Variants in BOK observed in about 807,000 individuals in gnomAD.
The protein encoded by BOK is BCL2 family apoptosis regulator BOK.
BOK carries 20 observed loss-of-function variants against 18.3 expected under a neutral mutation model. The observed-to-expected ratio is 1.09, with a 90% CI of 0.77 to 1.59. The LOEUF is 1.59. Among genes scored for constraint, BOK ranks in the 40% most tolerant of loss-of-function variants. The probability of loss-of-function intolerance (pLI) is 0.00; values close to 1 mark genes in which losing one functional copy is unlikely to be tolerated. For synonymous variants in BOK, 173 were observed against 142.4 expected (o/e 1.21, Z -1.53); for missense variants, 348 against 307.9 (o/e 1.13, Z -0.97).
chr2:241,568,038 C>T (rs2066643150), intron 3 of BOK, among the ~76,000 whole-genome samples: 1 of 147,316 alleles, frequency 6.8e-6, no homozygotes, highest in Non-Finnish European at 1.5e-5. Context: ...CTGTATGTGG[C>T]TTTTTATGCC....
chr2:241,552,539 G>A (rs2066422051), intron 1 of BOK, among the ~76,000 whole-genome samples: 1 of 152,182 alleles, frequency 6.6e-6, no homozygotes, highest in Non-Finnish European at 1.5e-5. Context: ...CGGAGTGGTA[G>A]GGCCAGGCAG....
chr2:241,559,705 T>C lies in BOK; in HGVS notation c.220+2T>C. The C allele has an allele frequency of 7.6e-7, 1 of 1,315,638 alleles. No homozygotes were observed. The highest frequency in any genetic ancestry group is 9.6e-7 in the Non-Finnish European group (1 of 1,037,602). The allele number at this position is 1,315,638 out of a possible 1,614,324, so 81.5% of individuals were successfully genotyped here. The stretch of plus-strand genomic sequence containing the variant: ...TGTGCGCGGTGCTGCTGCGCCTGGG[T>C]GAGTGCGCCCTGGTGGGATCCCCAG... On this transcript the variant is annotated splice_donor_variant, in intron 2 of 4. Coordinates refer to ENST00000318407, the MANE Select transcript of BOK (RefSeq NM_032515.5). LOFTEE classifies it high-confidence loss of function.
chr2:241,572,298 C>T lies in BOK; in HGVS notation c.515C>T (p.Thr172Ile), dbSNP rs562218955. 1.2e-6 allele frequency: 2 copies of T among 1,611,252 alleles called. No individual in the cohort carries two copies. Among genetic ancestry groups the T allele is most frequent in the South Asian group, 2.2e-5 (2 of 91,010 alleles). The stretch of plus-strand genomic sequence containing the variant: ...AACGGTCTCCCTCTTCCCTCCCAGA[C>T]TGATGTCCTCAAGTGTGTGGTCAGC... Reference protein sequence around the residue: ...ATWLRRRGGWTDVLKCVVSTD... With the variant: ...ATWLRRRGGWIDVLKCVVSTD... The change falls in exon 5 of 5, where the codon ACT becomes ATT. Residue 172 changes from threonine (T) to isoleucine (I), a missense_variant and splice_region_variant. Thr to Ile is a moderately conservative substitution (Grantham distance 89). Coordinates refer to ENST00000318407, the MANE Select transcript of BOK (RefSeq NM_032515.5).
At chr2:241,553,564 A>T (rs970303861) in intron 1 of BOK, among the ~76,000 whole-genome samples, 3 of 152,228 alleles carry the variant, frequency 2.0e-5, no homozygotes, top group Non-Finnish European at 2.9e-5. Context: ...CGGAGGGCGA[A>T]GAGGAAAGAG....
At chr2:241,560,073 T>G in intron 2 of BOK, 15 of 985,350 alleles carry the variant, frequency 1.5e-5, no homozygotes, top group Non-Finnish European at 1.8e-5. Flanking sequence ...GAAAACAGAT[T>G]CTTGCTGTTA....
intron 3 of BOK, among the ~76,000 whole-genome samples, chr2:241,563,395 G>C (rs1391627164): frequency 1.3e-5 from 2 of 152,216 alleles, no homozygotes; most frequent in Non-Finnish European, 2.9e-5. Flanking sequence ...AGCTGCCCCT[G>C]GGTGTGGCAG....
chr2:241,553,615 A>T (rs370347338), intron 1 of BOK, among the ~76,000 whole-genome samples: 2 of 152,204 alleles, frequency 1.3e-5, no homozygotes, highest in Admixed American at 1.3e-4. Context: ...AGTGAAGCGG[A>T]AGGTGCCACA....
At chr2:241,570,054 C>G (rs1391311774) in intron 3 of BOK, 71 bp from the exon 4 acceptor site, 81 of 1,531,734 alleles carry the variant, frequency 5.3e-5, no homozygotes, top group Non-Finnish European at 7.0e-5. Flanking sequence ...CTCAGAGAGG[C>G]CCAGCCCCTT....
chr2:241,556,888 A>C (rs755686026), upstream of BOK, among the ~76,000 whole-genome samples: 2 of 152,192 alleles, frequency 1.3e-5, no homozygotes, highest in South Asian at 4.1e-4. Context: ...TTGTGGGAAG[A>C]TTTTAAATTA....
chr2:241,552,772 A>C (rs1472252954), intron 1 of BOK, among the ~76,000 whole-genome samples: 2 of 152,202 alleles, frequency 1.3e-5, no homozygotes, highest in Admixed American at 1.3e-4. Context: ...CGGTTCGGTC[A>C]CCTTCCAGCC....
At chr2:241,569,187 C>G (rs542224945) in intron 3 of BOK, among the ~76,000 whole-genome samples, 1 of 152,186 alleles carries the variant, frequency 6.6e-6, no homozygotes, top group Middle Eastern at 3.2e-3. Context: ...CTGGAGTGTA[C>G]TGGCGCGATC....
At chr2:241,551,762 G>C (rs1233185279) in intron 1 of BOK, among the ~76,000 whole-genome samples, 1 of 152,196 alleles carries the variant, frequency 6.6e-6, no homozygotes, top group Non-Finnish European at 1.5e-5. Flanking sequence ...GCTTGCGCTG[G>C]CCAAGTGAAA....
At chr2:241,566,412 C>T (rs2066615302) in intron 3 of BOK, among the ~76,000 whole-genome samples, 1 of 151,108 alleles carries the variant, frequency 6.6e-6, no homozygotes, top group South Asian at 2.1e-4. Context: ...AGTTCTCCTG[C>T]CTCAGCCTCT....
intron 2 of BOK, among the ~76,000 whole-genome samples, chr2:241,560,704 G>C (rs975515746): frequency 6.6e-6 from 1 of 152,178 alleles, no homozygotes; most frequent in African/African-American, 2.4e-5. Flanking sequence ...CTCTGGGTGG[G>C]AGCTAGGGGG....
intron 3 of BOK, among the ~76,000 whole-genome samples, chr2:241,564,876 C>T (rs985679784): frequency 5.3e-5 from 8 of 152,182 alleles, no homozygotes; most frequent in African/African-American, 1.4e-4. Flanking sequence ...CAGCAGCCTG[C>T]CCAGAGGTGG....
rs2066740385 is a variant in BOK at position 241,572,500 on chromosome 2, C to T, written c.*78C>T. 1 of 1,521,690 alleles carries T rather than the reference C, an allele frequency of 6.6e-7. No individual in the cohort carries two copies. The highest frequency in any genetic ancestry group is 8.8e-7 in the Non-Finnish European group (1 of 1,136,500). The allele number at this position is 1,521,690 out of a possible 1,614,324, so 94.3% of individuals were successfully genotyped here. A position where few individuals can be genotyped will look rare whatever the true frequency, so the allele number is the denominator to read the frequency against. On this transcript the variant is annotated 3_prime_UTR_variant, in exon 5 of 5. Coordinates refer to ENST00000318407, the MANE Select transcript of BOK (RefSeq NM_032515.5). ...GCCCTCAGCACCCGAACACATCTTC[C>T]TCCTCCCCACCCGAGCCTGGAGCAC...
chr2:241,560,558 G>C (rs1388610406), intron 2 of BOK, among the ~76,000 whole-genome samples: 1 of 152,248 alleles, frequency 6.6e-6, no homozygotes, highest in African/African-American at 2.4e-5. Context: ...GGTGGGCTGG[G>C]CCCAGAGAGC....
rs371708460 is a variant in BOK at position 241,573,348 on chromosome 2, CG to C, written c.*929del. 6.6e-6 allele frequency: 1 copy of C among 151,078 alleles called. No individual in the cohort carries two copies. The highest frequency in any genetic ancestry group is 1.9e-4 in the East Asian group (1 of 5,132). The allele number at this position is 151,078 out of a possible 1,614,324, so 9.4% of individuals were successfully genotyped here. ...CACCTGAGCCCCAGGTGAAGGGGCC[CG>C]GGAACACCTCTCACCTGAACCCGGG... is the stretch of plus-strand genomic sequence containing the variant. On this transcript the variant is annotated 3_prime_UTR_variant, in exon 5 of 5. Coordinates refer to ENST00000318407, the MANE Select transcript of BOK (RefSeq NM_032515.5).
chr2:241,559,972 A>G lies in BOK; in HGVS notation c.220+269A>G, dbSNP rs117259095. On this transcript the variant is annotated intron_variant, in intron 2 of 4. Coordinates refer to ENST00000318407, the MANE Select transcript of BOK (RefSeq NM_032515.5). ...TAGAAAGCTCCAGAAAGAATAATCT[A>G]TTAGTGGGTGGCTAAGCTTCCACAG... 1,522 of 726,330 alleles carry G rather than the reference A, an allele frequency of 2.1e-3. 76 individuals are homozygous for G. The highest frequency in any genetic ancestry group is 4.2e-3 in the East Asian group (32 of 7,598). 45.0% of individuals were successfully genotyped at this position (726,330 alleles called of 1,614,324 possible).
Sources: allele counts gnomAD v4.1 joint callset (sites outside exome capture counted in the v4.1 genomes callset), GRCh38; gene constraint gnomAD v4.1.1; transcripts MANE v1.5; gene names NCBI Gene and HGNC (gene_info 2026-07-23, HGNC 2026-07-21).